The following SAMSN1 variants were observed in gnomAD, a reference collection of about 807,000 sequenced individuals.
The protein encoded by SAMSN1 is SAM domain-containing protein SAMSN-1.
A neutral mutation model predicts 42.0 loss-of-function variants in SAMSN1; 31 were observed. The observed-to-expected ratio is 0.74, with a 90% CI of 0.55 to 1.00. The LOEUF (loss-of-function observed/expected upper bound fraction) is 1.00, where lower values mean the gene tolerates loss of function less well. Ranked by LOEUF, SAMSN1 falls within the 50% of genes least tolerant of loss-of-function variation. The pLI is 0.00. For synonymous variants in SAMSN1, 178 were observed against 151.9 expected (o/e 1.17, Z -1.26); for missense variants, 464 against 439.4 (o/e 1.06, Z -0.50).
intron 7 of SAMSN1, among the ~76,000 whole-genome samples, chr21:14,589,506 G>A (rs1482206202): frequency 6.6e-6 from 1 of 151,832 alleles, no homozygotes; most frequent in South Asian, 2.1e-4. Flanking sequence ...AGATTTATAG[G>A]CCTATCCTCT....
Position 14,498,593 on chromosome 21 carries a change from C to CT in SAMSN1, c.769-2dup. On this transcript the variant is annotated splice_acceptor_variant, in intron 6 of 7. Transcript: ENST00000400566. LOFTEE classifies it high-confidence loss of function. ...TGAGCAAAAGTGTTGAGGTGTATTC[C>CT]TGTAAGACAAAAAATATAAAGCAAA... The CT allele has an allele frequency of 6.4e-7, 1 of 1,553,594 alleles. No individual in the cohort carries two copies. The highest frequency in any genetic ancestry group is 1.2e-5 in the South Asian group (1 of 80,864).
At chr21:14,649,864 A>G (rs1983801662) in intron 1 of SAMSN1, among the ~76,000 whole-genome samples, 1 of 152,174 alleles carries the variant, frequency 6.6e-6, no homozygotes, top group East Asian at 1.9e-4. Flanking sequence ...TATGCCAATG[A>G]AAACCAAAAA....
At chr21:14,629,753 A>T (rs752707066) in intron 2 of SAMSN1, among the ~76,000 whole-genome samples, 1 of 152,162 alleles carries the variant, frequency 6.6e-6, no homozygotes, top group Non-Finnish European at 1.5e-5. Context: ...GTGCGAAGAG[A>T]GCTTTATATC....
chr21:14,641,893 A>G (rs897148020), intron 2 of SAMSN1, among the ~76,000 whole-genome samples: 2 of 152,214 alleles, frequency 1.3e-5, no homozygotes, highest in African/African-American at 4.8e-5. Flanking sequence ...AAACTTTACT[A>G]ATAGTCTACT....
chr21:14,516,750 C>T (rs1235808223), intron 3 of SAMSN1, 142 bp downstream of exon 3: 10 of 624,684 alleles, frequency 1.6e-5, no homozygotes, highest in Non-Finnish European at 2.1e-5. Flanking sequence ...TACTTCCTTC[C>T]ACCCAAGTTC....
intron 1 of SAMSN1, among the ~76,000 whole-genome samples, chr21:14,652,660 AG>A (rs1983854580): frequency 1.3e-5 from 2 of 151,990 alleles, no homozygotes; most frequent in African/African-American, 2.4e-5. Flanking sequence ...CCACAACTAT[AG>A]GCAACCAAAG....
chr21:14,554,387 C>T (rs1429258339), intron 2 of SAMSN1, among the ~76,000 whole-genome samples: 1 of 152,030 alleles, frequency 6.6e-6, no homozygotes, highest in East Asian at 1.9e-4. Context: ...TGGAAAAGTG[C>T]CTGGTACATA....
upstream of SAMSN1, among the ~76,000 whole-genome samples, chr21:14,546,565 GTTTATATAAAAGTAAAAA>G (rs1401088247): frequency 6.6e-6 from 1 of 150,968 alleles, no homozygotes; most frequent in African/African-American, 2.4e-5. Flanking sequence ...CATTTTCTTG[GTTTATATAAAAGTAAAAA>G]TTTACAATGC....
intron 2 of SAMSN1, among the ~76,000 whole-genome samples, chr21:14,554,650 G>A (rs1373286593): frequency 6.6e-6 from 1 of 151,452 alleles, no homozygotes. Flanking sequence ...GTAAATGGGT[G>A]GGCTTGTCAG....
chr21:14,618,656 A>ATGTGTGTG (rs3050614), intron 2 of SAMSN1, among the ~76,000 whole-genome samples: 1 of 149,060 alleles, frequency 6.7e-6, no homozygotes, highest in Non-Finnish European at 1.5e-5. Context: ...ACAGCTGTGT[A>ATGTGTGTG]TGTGTGTGTG....
intron 1 of SAMSN1, among the ~76,000 whole-genome samples, chr21:14,647,550 G>A (rs562721937): frequency 6.8e-6 from 1 of 147,726 alleles, no homozygotes; most frequent in African/African-American, 2.5e-5. Context: ...GATGGGGATG[G>A]CATTAAATCT....
intron 2 of SAMSN1, among the ~76,000 whole-genome samples, chr21:14,557,139 G>A (rs7282958): frequency 0.047 from 7,096 of 152,094 alleles, 282 homozygotes; most frequent in African/African-American, 0.1. Context: ...GCTTTTCCTC[G>A]TTCTACCCAT....
At chr21:14,596,876 C>T (rs1014188961) in intron 6 of SAMSN1, among the ~76,000 whole-genome samples, 2 of 152,156 alleles carry the variant, frequency 1.3e-5, no homozygotes, top group South Asian at 2.1e-4. Flanking sequence ...ATACCACTCC[C>T]CAACTCCTGA....
chr21:14,545,547 T>A (rs992148514), intron 1 of SAMSN1, among the ~76,000 whole-genome samples: 6 of 148,506 alleles, frequency 4.0e-5, no homozygotes, highest in Admixed American at 6.9e-5. Flanking sequence ...TTTTTTTTTT[T>A]AAAAGTAGCA....
chr21:14,614,277 C>G (rs1192527526), intron 3 of SAMSN1, among the ~76,000 whole-genome samples: 1 of 152,068 alleles, frequency 6.6e-6, no homozygotes, highest in Non-Finnish European at 1.5e-5. Context: ...AATACAAAAA[C>G]AGTGGGGATG....
chr21:14,583,487 C>T, upstream of SAMSN1: 2 of 565,014 alleles, frequency 3.5e-6, no homozygotes, highest in Non-Finnish European at 6.3e-6. Context: ...GGGTAAAATT[C>T]AGGAACAGAT....
At chr21:14,546,320 ACAGT>A (rs746508394), upstream of SAMSN1, 144 of 1,608,458 alleles carry the variant, frequency 9.0e-5, 1 homozygote, top group South Asian at 1.4e-3. Flanking sequence ...ACAACTGAAA[ACAGT>A]CAGCAGTGTG....
chr21:14,587,338 A>T (rs753921017), upstream of SAMSN1, among the ~76,000 whole-genome samples: 2 of 151,768 alleles, frequency 1.3e-5, no homozygotes, highest in Non-Finnish European at 2.9e-5. Flanking sequence ...TTTAATTGTC[A>T]TTTTGATCTA....
chr21:14,618,822 G>A (rs758267013), intron 2 of SAMSN1, among the ~76,000 whole-genome samples: 2 of 152,106 alleles, frequency 1.3e-5, no homozygotes, highest in Non-Finnish European at 2.9e-5. Context: ...CATGAATGCT[G>A]GGTAAAACTT....
Sources: allele counts gnomAD v4.1 joint callset (sites outside exome capture counted in the v4.1 genomes callset), GRCh38; gene constraint gnomAD v4.1.1; transcripts MANE v1.5; gene names NCBI Gene and HGNC (gene_info 2026-07-23, HGNC 2026-07-21).